CDKL5: variants seen among roughly 807,000 people sequenced by gnomAD.
CDKL5 encodes cyclin-dependent kinase-like 5.
Under a neutral mutation model 61.7 loss-of-function variants are expected in CDKL5, and 8 were observed. That is an observed-to-expected ratio of 0.13 (90% confidence interval 0.08 to 0.23). CDKL5 has a LOEUF of 0.23. CDKL5 is among the 10% of genes least tolerant of loss of function. CDKL5 has a pLI of 1.00. For missense variants in CDKL5, 440 were observed against 734.5 expected (o/e 0.60, Z 4.63); for synonymous variants, 275 against 272.3 (o/e 1.01, Z -0.10).
chrX:18,441,487 G>A (rs749471211), intron 1 of CDKL5, among the ~76,000 whole-genome samples: 1 of 111,153 alleles, frequency 9.0e-6, no homozygotes, highest in East Asian at 2.8e-4. Context: ...TTTTCAGAAG[G>A]GACTATTTGC....
intron 5 of CDKL5, among the ~76,000 whole-genome samples, chrX:18,578,812 T>C (rs1475920542): frequency 8.9e-6 from 1 of 111,927 alleles, no homozygotes; most frequent in Admixed American, 9.5e-5. Flanking sequence ...AGACATGTAC[T>C]CAAGAATTGA....
Position 18,633,049 on chromosome X carries a change from G to A in CDKL5, c.*4292G>A, listed in dbSNP as rs1927278743. ...CTTTCAGCAAGGGCAATGGCTCAAT[G>A]TGATTCGGTGCTGGAGCTCAGCTGG... On this transcript the variant is annotated 3_prime_UTR_variant, in exon 18 of 18. Coordinates refer to ENST00000623535, the MANE Select transcript of CDKL5 (RefSeq NM_001323289.2). 1.3e-6 allele frequency: 1 copy of A among 752,647 alleles called. No homozygotes were observed. Among genetic ancestry groups the A allele is most frequent in the Admixed American group, 8.8e-5 (1 of 11,364 alleles). 62.0% of individuals were successfully genotyped at this position (752,647 alleles called of 1,213,427 possible).
chrX:18,606,009 C>T (rs1378716737), intron 12 of CDKL5, among the ~76,000 whole-genome samples: 2 of 111,917 alleles, frequency 1.8e-5, no homozygotes, highest in East Asian at 5.6e-4. Flanking sequence ...TGGTGAAACC[C>T]CGTCTCTACT....
At chrX:18,649,570 C>T (rs1927941910) in intron 20 of CDKL5, among the ~76,000 whole-genome samples, 1 of 111,687 alleles carries the variant, frequency 9.0e-6, no homozygotes, top group South Asian at 3.8e-4. Flanking sequence ...TAGGCCTGAT[C>T]TCACTAGTAT....
chrX:18,584,819 C>T (rs1482357146), intron 8 of CDKL5, among the ~76,000 whole-genome samples: 5 of 111,922 alleles, frequency 4.5e-5, no homozygotes, highest in Non-Finnish European at 7.5e-5. Context: ...GCTTTTGCCT[C>T]GTTGGCCAAA....
chrX:18,598,325 T>A (rs997507520), intron 10 of CDKL5, 137 bp from the exon 11 acceptor site: 2 of 486,492 alleles, frequency 4.1e-6, no homozygotes, highest in Admixed American at 7.8e-5. Context: ...TCTTTTTTTT[T>A]TTATTTCCTG....
intron 10 of CDKL5, among the ~76,000 whole-genome samples, chrX:18,597,979 T>TA (rs1032515722): frequency 2.7e-5 from 3 of 110,776 alleles, no homozygotes; most frequent in African/African-American, 9.9e-5. Flanking sequence ...GTGGGTAAAA[T>TA]AAAAGGAACA....
At chrX:18,500,865 C>T (rs1922355495) in intron 1 of CDKL5, among the ~76,000 whole-genome samples, 1 of 110,831 alleles carries the variant, frequency 9.0e-6, no homozygotes, top group Admixed American at 9.6e-5. Flanking sequence ...TTGAGACCGA[C>T]TCTCCTTCTG....
intron 1 of CDKL5, among the ~76,000 whole-genome samples, chrX:18,446,518 G>A (rs1931882262): frequency 8.9e-6 from 1 of 112,158 alleles, no homozygotes; most frequent in Admixed American, 9.5e-5. Flanking sequence ...AAATGGATTT[G>A]TTTCCCAGGT....
chrX:18,549,332 C>G (rs1924305976), intron 3 of CDKL5, among the ~76,000 whole-genome samples: 2 of 112,322 alleles, frequency 1.8e-5, no homozygotes, highest in South Asian at 7.3e-4. Context: ...CAGTCAGTCC[C>G]TCCCTTGATA....
chrX:18,519,153 A>G (rs1045413350), intron 3 of CDKL5, among the ~76,000 whole-genome samples: 1 of 111,774 alleles, frequency 8.9e-6, no homozygotes, highest in Admixed American at 9.5e-5. Context: ...TCCTAGCTGT[A>G]TAGATCCGGA....
At chrX:18,466,561 G>A (rs1234124502) in intron 1 of CDKL5, among the ~76,000 whole-genome samples, 2 of 111,303 alleles carry the variant, frequency 1.8e-5, no homozygotes, top group East Asian at 5.7e-4. Context: ...TGTCATCCAG[G>A]TTGGAGTGTG....
chrX:18,609,694 C>T (rs1265426868), intron 14 of CDKL5, 124 bp downstream of exon 14: 1 of 1,100,117 alleles, frequency 9.1e-7, no homozygotes, highest in Non-Finnish European at 1.2e-6. Flanking sequence ...CAGCGGTTCT[C>T]CCTGCCTCTG....
At position 18,629,975 on chromosome X, in the gene CDKL5, T is replaced by C; in HGVS notation, c.*1218T>C. On this transcript the variant is annotated 3_prime_UTR_variant, in exon 18 of 18. Coordinates refer to ENST00000623535, the MANE Select transcript of CDKL5 (RefSeq NM_001323289.2). ...ATCTTGCAAACCATCTCTATGCTCC[T>C]GAATATTGTCCACTGTCCCGGAGAC... 1.3e-6 allele frequency: 1 copy of C among 754,311 alleles called. No individual in the cohort carries two copies. The highest frequency in any genetic ancestry group is 1.6e-6 in the Non-Finnish European group (1 of 639,230). 62.2% of individuals were successfully genotyped at this position (754,311 alleles called of 1,213,427 possible). A position where few individuals can be genotyped will look rare whatever the true frequency, so the allele number is the denominator to read the frequency against.
chrX:18,498,399 G>T (rs1922260002), intron 1 of CDKL5, among the ~76,000 whole-genome samples: 1 of 111,806 alleles, frequency 8.9e-6, no homozygotes, highest in Admixed American at 9.5e-5. Context: ...TTCCCAGCCT[G>T]ATCTTTTTAT....
chrX:18,598,689 G>A, intron 11 of CDKL5, 76 bp downstream of exon 11: 6 of 942,002 alleles, frequency 6.4e-6, no homozygotes, highest in Non-Finnish European at 7.7e-6. Flanking sequence ...CTGCTTAAAT[G>A]ATGCAATTAG....
At chrX:18,514,977 T>G (rs1055460551) in intron 3 of CDKL5, among the ~76,000 whole-genome samples, 6 of 110,436 alleles carry the variant, frequency 5.4e-5, no homozygotes, top group African/African-American at 2.0e-4. Context: ...TTTTGTATTT[T>G]CAGTAGAGAC....
intron 1 of CDKL5, among the ~76,000 whole-genome samples, chrX:18,451,745 C>T (rs1932022963): frequency 9.1e-6 from 1 of 110,335 alleles, no homozygotes; most frequent in East Asian, 2.9e-4. Flanking sequence ...TGCCATGTTG[C>T]CCAGGCTGGT....
chrX:18,491,792 CAT>C (rs1279362916), intron 1 of CDKL5, among the ~76,000 whole-genome samples: 3 of 111,532 alleles, frequency 2.7e-5, no homozygotes, highest in Non-Finnish European at 3.8e-5. Flanking sequence ...TTAATGATGA[CAT>C]AGCTAAAATT....
Sources: allele counts gnomAD v4.1 joint callset (sites outside exome capture counted in the v4.1 genomes callset), GRCh38; gene constraint gnomAD v4.1.1; transcripts MANE v1.5; gene names NCBI Gene and HGNC (gene_info 2026-07-23, HGNC 2026-07-21).